Variants in SLC35B3 observed in about 807,000 individuals in gnomAD.
SLC35B3 encodes adenosine 3'-phospho 5'-phosphosulfate transporter 2.
Under a neutral mutation model 44.1 loss-of-function variants are expected in SLC35B3, and 35 were observed. That is an observed-to-expected ratio of 0.79 (90% CI 0.61 to 1.05). The LOEUF is 1.05. Ranked by LOEUF, SLC35B3 falls within the 50% of genes least tolerant of loss-of-function variation. The pLI, the probability that SLC35B3 is intolerant of heterozygous loss-of-function variation, is 0.00. For synonymous variants in SLC35B3, 146 were observed against 167.3 expected (o/e 0.87, Z 0.98); for missense variants, 414 against 476.4 (o/e 0.87, Z 1.22).
intron 4 of SLC35B3, among the ~76,000 whole-genome samples, chr6:8,426,866 A>C (rs1277389317): frequency 6.6e-6 from 1 of 152,172 alleles, no homozygotes; most frequent in African/African-American, 2.4e-5. Context: ...GGCTTTGGCA[A>C]AAAAGCTGAT....
rs150625947 is a variant in SLC35B3 at position 8,420,302 on chromosome 6, A to G, written c.682+419T>C. Among the ~76,000 whole-genome samples, 14 of 152,256 alleles carry G rather than the reference A, an allele frequency of 9.2e-5. No homozygotes were observed. The East Asian group carries it at 1.7e-3, about 19-fold the overall frequency. ...TCATATGTTTATGAGCTTCCCTCCA[A>G]TATTCACAGTGGTTTTACCCACACC... On this transcript the variant is annotated intron_variant, in intron 6 of 10. Coordinates refer to ENST00000644923, the MANE Select transcript of SLC35B3 (RefSeq NM_001370476.2). The surrounding 1 kb of genome is among the most constrained non-coding windows in gnomAD (Gnocchi z 4.4).
chr6:8,425,242 C>T (rs1368775710), intron 4 of SLC35B3, among the ~76,000 whole-genome samples: 1 of 152,120 alleles, frequency 6.6e-6, no homozygotes, highest in Non-Finnish European at 1.5e-5. Context: ...TATCATTTTT[C>T]ACCTACAAAG....
intron 5 of SLC35B3, among the ~76,000 whole-genome samples, chr6:8,421,812 TAGA>T (rs1335262675): frequency 1.3e-5 from 2 of 152,016 alleles, no homozygotes; most frequent in Non-Finnish European, 2.9e-5. Flanking sequence ...CCCTGGAGAG[TAGA>T]AGAATGAAGG....
In SLC35B3 at chr6:8,413,716, A is replaced by C. The variant is rs771850582; in HGVS notation, c.1056-17T>G. ...CATACATACCTAAGAGAAAGAAATA[A>C]GGAAAAAAAATTAAAATTAGCAAAA... On this transcript the variant is annotated splice_polypyrimidine_tract_variant and intron_variant, in intron 10 of 10. Transcript: ENST00000644923. 1 of 1,444,556 alleles carries C rather than the reference A, an allele frequency of 6.9e-7. No individual in the cohort carries two copies. Among genetic ancestry groups the C allele is most frequent in the Non-Finnish European group, 9.3e-7 (1 of 1,074,178 alleles). The allele number at this position is 1,444,556 out of a possible 1,614,324, so 89.5% of individuals were successfully genotyped here. A position where few individuals can be genotyped will look rare whatever the true frequency, so the allele number is the denominator to read the frequency against.
Position 8,413,616 on chromosome 6 carries a change from G to C in SLC35B3, c.1139C>G (p.Ser380Ter). ...TGATTTGTTTATCAAATCATACAGT[G>C]ATGGTAGTCTTATTTTATCCATATT... The change falls in exon 11 of 11, where the codon TCA (serine) becomes TGA (stop). Residue 380 changes from serine to a stop codon, truncating the protein, a stop_gained. Coordinates refer to ENST00000644923, the MANE Select transcript of SLC35B3 (RefSeq NM_001370476.2). LOFTEE classifies it high-confidence loss of function. The C allele has an allele frequency of 6.2e-7, 1 of 1,604,056 alleles. No homozygotes were observed. Among genetic ancestry groups the C allele is most frequent in the South Asian group, 1.1e-5 (1 of 90,256 alleles).
At chr6:8,430,927 G>C (rs370350847) in intron 2 of SLC35B3, among the ~76,000 whole-genome samples, 3 of 119,486 alleles carry the variant, frequency 2.5e-5, no homozygotes, top group African/African-American at 1.0e-4. Flanking sequence ...ACAAAACAAA[G>C]AAACCCCAAA....
intron 7 of SLC35B3, among the ~76,000 whole-genome samples, chr6:8,418,637 T>C (rs1055481428): frequency 6.6e-6 from 1 of 151,666 alleles, no homozygotes; most frequent in Non-Finnish European, 1.5e-5. Flanking sequence ...TAATAAGTTA[T>C]TATTAACAAT....
intron 3 of SLC35B3, among the ~76,000 whole-genome samples, chr6:8,429,157 C>A (rs1057041257): frequency 2.6e-5 from 4 of 152,146 alleles, no homozygotes; most frequent in Non-Finnish European, 5.9e-5. Context: ...AATTAAATGA[C>A]CATTCATAAA....
At chr6:8,427,683 T>C (rs1763549171) in intron 4 of SLC35B3, among the ~76,000 whole-genome samples, 1 of 152,226 alleles carries the variant, frequency 6.6e-6, no homozygotes, top group African/African-American at 2.4e-5. Flanking sequence ...TTGTGTTTTT[T>C]ATCATGTTGT....
intron 9 of SLC35B3, among the ~76,000 whole-genome samples, 159 bp from the exon 9 acceptor site, chr6:8,415,136 C>A (rs564323108): frequency 2.6e-5 from 4 of 152,158 alleles, no homozygotes; most frequent in Non-Finnish European, 4.4e-5. Context: ...AACACACGCA[C>A]AAAAGTCACT....
In SLC35B3 at chr6:8,433,064, A is replaced by G. The variant is rs1182915908; in HGVS notation, c.3+1321T>C. 6.6e-6 allele frequency among the ~76,000 whole-genome samples: 1 copy of G among 152,186 alleles called. No homozygotes were observed. Among genetic ancestry groups the G allele is most frequent in the Non-Finnish European group, 1.5e-5 (1 of 68,026 alleles). ...TAAAAATCTGGGAGTCATCTTAAGAATCTTTCCTTTTCCTCACATTCTATA... is the reference window on the plus strand; with the variant it reads ...TAAAAATCTGGGAGTCATCTTAAGAGTCTTTCCTTTTCCTCACATTCTATA... On this transcript the variant is annotated intron_variant, in intron 2 of 10. Transcript: ENST00000644923. This position sits in a 1 kb window ranked among gnomAD's most constrained non-coding sequence, Gnocchi z 4.1.
chr6:8,414,011 A>G (rs1762193404), intron 10 of SLC35B3, among the ~76,000 whole-genome samples: 1 of 152,124 alleles, frequency 6.6e-6, no homozygotes, highest in South Asian at 2.1e-4. Context: ...GTAAAAGTAC[A>G]CTTAAAGCTT....
At position 8,416,973 on chromosome 6, in the gene SLC35B3, T is replaced by C. The variant is rs370759766; in HGVS notation, c.896A>G (p.Tyr299Cys). The stretch of plus-strand genomic sequence containing the variant: ...TCCAGTGAGGGAAAAAAGGAACGCA[T>C]AACCATAGGTCCGAACTGGATTCTG... The change falls in exon 9 of 11, where the codon TAT becomes TGT. Residue 299 changes from tyrosine to cysteine, a missense_variant. By Grantham distance (194) the Tyr-to-Cys change is radical (BLOSUM62 -2). Transcript: ENST00000644923. The C allele has an allele frequency of 6.2e-7, 1 of 1,602,296 alleles. No individual in the cohort carries two copies. Among genetic ancestry groups the C allele is most frequent in the Non-Finnish European group, 8.5e-7 (1 of 1,174,516 alleles).
chr6:8,430,047 G>C lies in SLC35B3; in HGVS notation c.114C>G (p.Asn38Lys). Residue 38 changes from asparagine (N) to lysine (K), a missense_variant, in exon 3 of 11, where the codon AAC becomes AAG. Transcript: ENST00000644923. Reference sequence around the variant, plus strand: ...TGATAGAAATATATTTCCTGGAATTGTTGAACTTGAGATCCATTGTTATTT... The same window carrying C: ...TGATAGAAATATATTTCCTGGAATTCTTGAACTTGAGATCCATTGTTATTT... 2 of 1,613,940 alleles carry C rather than the reference G, an allele frequency of 1.2e-6. No homozygotes were observed. Among genetic ancestry groups the C allele is most frequent in the Non-Finnish European group, 1.7e-6 (2 of 1,179,920 alleles).
chr6:8,420,866 AT>A lies in SLC35B3; in HGVS notation c.575-39del. 1 of 1,466,678 alleles carries A rather than the reference AT, an allele frequency of 6.8e-7. No individual in the cohort carries two copies. The highest frequency in any genetic ancestry group is 9.4e-7 in the Non-Finnish European group (1 of 1,058,232). The allele number at this position is 1,466,678 out of a possible 1,614,324, so 90.9% of individuals were successfully genotyped here. ...AACGTAAGTCCACTTCATTATGCAA[AT>A]ACCCACCCAGCTTTATATTTGCTCT... is the stretch of plus-strand genomic sequence containing the variant. On this transcript the variant is annotated intron_variant, in intron 5 of 10. Coordinates refer to ENST00000644923, the MANE Select transcript of SLC35B3 (RefSeq NM_001370476.2). The surrounding 1 kb of genome is among the most constrained non-coding windows in gnomAD (Gnocchi z 4.4).
At chr6:8,418,643 A>G (rs532204803) in intron 7 of SLC35B3, among the ~76,000 whole-genome samples, 54 of 152,136 alleles carry the variant, frequency 3.5e-4, no homozygotes, top group African/African-American at 1.3e-3. Context: ...GTTATTATTA[A>G]CAATACCTTT....
Position 8,411,943 on chromosome 6 carries a change from C to G in SLC35B3, c.*1606G>C, listed in dbSNP as rs1358863081. Among the ~76,000 whole-genome samples, 3 of 152,144 alleles carry G rather than the reference C, an allele frequency of 2.0e-5. No homozygotes were observed. Among genetic ancestry groups the G allele is most frequent in the African/African-American group, 7.2e-5 (3 of 41,426 alleles). ...GTGCCCAAATCTTTGAATTTAGACT[C>G]AAAACTATGCATGCAACATTCCTAT... On this transcript the variant is annotated 3_prime_UTR_variant, in exon 11 of 11. Coordinates refer to ENST00000644923, the MANE Select transcript of SLC35B3 (RefSeq NM_001370476.2).
At chr6:8,413,826 T>A (rs2113221303) in intron 10 of SLC35B3, 127 bp from the exon 10 acceptor site, 1 of 563,578 alleles carries the variant, frequency 1.8e-6, no homozygotes, top group Non-Finnish European at 3.0e-6. Context: ...AAGCCTACAA[T>A]AATAGCATTA....
In SLC35B3 at chr6:8,435,091, G is replaced by A; in HGVS notation, c.-44+252C>T. 1.6e-6 allele frequency: 2 copies of A among 1,224,740 alleles called. No homozygotes were observed. The highest frequency in any genetic ancestry group is 2.1e-6 in the Non-Finnish European group (2 of 960,220). 75.9% of individuals were successfully genotyped at this position (1,224,740 alleles called of 1,614,324 possible). A position where few individuals can be genotyped will look rare whatever the true frequency, so the allele number is the denominator to read the frequency against. ...GGTCACCTCACCCCTGCGAGTCCAC[G>A]GATTGGGACCTGAGGGAGTTCTCGC... On this transcript the variant is annotated intron_variant, in intron 1 of 10. Transcript: ENST00000644923. This position sits in a 1 kb window ranked among gnomAD's most constrained non-coding sequence, Gnocchi z 5.5.
Sources: gnomAD v4.1 joint callset for allele counts (sites outside exome capture counted in the v4.1 genomes callset) on GRCh38, gnomAD v4.1.1 for gene constraint, Gnocchi (gnomAD v3.1) non-coding constraint, MANE v1.5 for transcripts, NCBI Gene and HGNC (gene_info 2026-07-23, HGNC 2026-07-21) for gene names.